ART3: variants seen among roughly 807,000 people sequenced by gnomAD.
The protein encoded by ART3 is ADP-ribosyltransferase 3 (inactive).
In ART3, 49 loss-of-function variants were observed where a neutral mutation model predicts 48.5. That is an observed-to-expected ratio of 1.01 (90% CI 0.80 to 1.28). The LOEUF (loss-of-function observed/expected upper bound fraction) is 1.28, where lower values mean the gene tolerates loss of function less well. ART3 is among the 50% of genes most tolerant of loss of function. ART3 has a pLI of 0.00. For missense variants in ART3, 438 were observed against 454.3 expected, an observed-to-expected ratio of 0.96 and a Z score of 0.33; for synonymous variants, 145 against 157.2, an observed-to-expected ratio of 0.92 and a Z score of 0.58.
rs1343886028 is a variant in ART3, at chr4:76,027,832, C to T, written c.-10+16512C>T. 6.8e-5 allele frequency among the ~76,000 whole-genome samples: 10 copies of T among 147,330 alleles called. No homozygotes were observed. In the East Asian group the frequency reaches 1.6e-3, roughly 24 times the overall value. On this transcript the variant is annotated intron_variant, in intron 1 of 9. Transcript: ENST00000341029. ...TGTTAGGATTCTATAAAATCTGGTC[C>T]TCAGTTTTTCCAGTCCAGAAATTCT...
intron 1 of ART3, among the ~76,000 whole-genome samples, chr4:76,048,809 C>T (rs964756305): frequency 9.4e-6 from 1 of 106,762 alleles, no homozygotes; most frequent in Non-Finnish European, 1.9e-5. Flanking sequence ...CACAAAAAAT[C>T]GGATTTAGTG....
chr4:76,051,295 G>A (rs1319194829), intron 1 of ART3, among the ~76,000 whole-genome samples: 2 of 100,598 alleles, frequency 2.0e-5, no homozygotes, highest in Non-Finnish European at 4.0e-5. Flanking sequence ...GGGAGCTGCC[G>A]GTGGATTTTT....
Position 76,103,935 on chromosome 4 carries a change from A to G in ART3, c.938-2A>G. On this transcript the variant is annotated splice_acceptor_variant, in intron 8 of 11. Transcript: ENST00000355810. LOFTEE classifies it high-confidence loss of function. ...CAAACCAATATTTATTTCTGCCTTT[A>G]GGTGTGAAAATCCTTGAACCCACCC... The G allele has an allele frequency of 6.2e-7, 1 of 1,612,154 alleles. No individual in the cohort carries two copies. The highest frequency in any genetic ancestry group is 8.5e-7 in the Non-Finnish European group (1 of 1,179,022).
At chr4:76,050,661 C>A (rs953214590) in intron 1 of ART3, among the ~76,000 whole-genome samples, 2 of 152,234 alleles carry the variant, frequency 1.3e-5, no homozygotes, top group African/African-American at 2.4e-5. Context: ...TGCCCGCACT[C>A]CTCAGCCCTT....
chr4:76,087,754 A>G (rs541879329), intron 3 of ART3, among the ~76,000 whole-genome samples: 1 of 152,366 alleles, frequency 6.6e-6, no homozygotes, highest in African/African-American at 2.4e-5. Context: ...CCTGGTGGTC[A>G]TAGACATTAA....
chr4:76,041,054 G>A (rs921552842), intron 1 of ART3: 1 of 152,152 alleles, frequency 6.6e-6, no homozygotes, highest in East Asian at 1.9e-4. Context: ...TATTTTAGAT[G>A]TCTGTCACAT....
upstream of ART3, among the ~76,000 whole-genome samples, chr4:76,072,197 T>C (rs996655008): frequency 2.6e-5 from 4 of 152,270 alleles, no homozygotes; most frequent in Admixed American, 2.6e-4. Flanking sequence ...ACAAACACTT[T>C]AACTGTATAA....
rs931052780 is a variant in ART3, at chr4:76,020,375, G to A, written c.-10+9055G>A. 2.0e-5 allele frequency among the ~76,000 whole-genome samples: 3 copies of A among 152,152 alleles called. No homozygotes were observed. The East Asian group carries it at 5.8e-4, about 29-fold the overall frequency. On this transcript the variant is annotated intron_variant, in intron 1 of 9. Coordinates refer to the ART3 transcript ENST00000341029. ...GGCTTCCCAAAGTGCTGAGATTACA[G>A]GCATGAGCCACCACACCCAGCCTTG... is the stretch of plus-strand genomic sequence containing the variant.
chr4:76,035,317 G>A (rs1322073769), intron 1 of ART3: 1 of 1,613,906 alleles, frequency 6.2e-7, no homozygotes, highest in African/African-American at 1.3e-5. Flanking sequence ...TGCAAAGACA[G>A]CGTCCTCTTT....
chr4:76,032,241 CTT>C (rs1733935258), intron 1 of ART3, among the ~76,000 whole-genome samples: 1 of 146,792 alleles, frequency 6.8e-6, no homozygotes, highest in African/African-American at 2.5e-5. Flanking sequence ...TTGAGGCAGG[CTT>C]TTGCCCAGGC....
intron 11 of ART3, chr4:76,111,878 A>G (rs1729558856): frequency 6.6e-6 from 1 of 152,560 alleles, no homozygotes; most frequent in Admixed American, 6.5e-5. Flanking sequence ...ATATGTGCTA[A>G]TCAATTATTT....
intron 2 of ART3, among the ~76,000 whole-genome samples, chr4:76,076,931 A>G (rs1448709129): frequency 6.7e-6 from 1 of 149,846 alleles, no homozygotes; most frequent in East Asian, 2.1e-4. Context: ...TTAAATTCTT[A>G]AACTGTTATC....
intron 3 of ART3, among the ~76,000 whole-genome samples, chr4:76,086,018 G>A (rs972670527): frequency 6.6e-6 from 1 of 151,936 alleles, no homozygotes; most frequent in Non-Finnish European, 1.5e-5. Context: ...GTTGCAGTGA[G>A]CTGAGACTGC....
intron 5 of ART3, among the ~76,000 whole-genome samples, chr4:76,099,896 CTG>C (rs1021399646): frequency 3.3e-5 from 5 of 152,220 alleles, no homozygotes; most frequent in African/African-American, 1.2e-4. Flanking sequence ...AAAATACTTC[CTG>C]TCCTGATAGA....
chr4:76,097,506 C>A, intron 3 of ART3, 138 bp from the exon 4 acceptor site: 1 of 685,418 alleles, frequency 1.5e-6, no homozygotes. Flanking sequence ...CATGCCCAGC[C>A]TGCAATTTGC....
intron 1 of ART3, among the ~76,000 whole-genome samples, chr4:76,066,621 A>G (rs1306125642): frequency 6.6e-6 from 1 of 151,944 alleles, no homozygotes; most frequent in African/African-American, 2.4e-5. Context: ...GAGCCCGGCT[A>G]TTTATGGACC....
intron 1 of ART3, among the ~76,000 whole-genome samples, chr4:76,052,745 T>C (rs6532152): frequency 0.58 from 83,554 of 144,770 alleles, 25,084 homozygotes; most frequent in East Asian, 0.94. Flanking sequence ...GACAGAGTCT[T>C]GCTCTGTCAT....
At chr4:76,033,367 C>T (rs1199934477) in intron 1 of ART3, among the ~76,000 whole-genome samples, 1 of 152,096 alleles carries the variant, frequency 6.6e-6, no homozygotes, top group Non-Finnish European at 1.5e-5. Context: ...CTTTGTGATG[C>T]CAGCTGGAGT....
At chr4:76,050,433 T>C (rs1308547497) in intron 1 of ART3, among the ~76,000 whole-genome samples, 1 of 152,124 alleles carries the variant, frequency 6.6e-6, no homozygotes, top group African/African-American at 2.4e-5. Flanking sequence ...GGAGTGTCAA[T>C]TGGTGCATTC....
Sources: allele counts gnomAD v4.1 joint callset (sites outside exome capture counted in the v4.1 genomes callset), GRCh38; gene constraint gnomAD v4.1.1; transcripts MANE v1.5; gene names NCBI Gene and HGNC (gene_info 2026-07-23, HGNC 2026-07-21).